The following FOXK2 variants were observed in gnomAD, a reference collection of about 807,000 sequenced individuals.
The protein encoded by FOXK2 is forkhead box protein K2.
Under a neutral mutation model 53.3 loss-of-function variants are expected in FOXK2, and 24 were observed. The ratio of observed to expected loss-of-function variants is 0.45; its 90% CI spans 0.33 to 0.63. The LOEUF (loss-of-function observed/expected upper bound fraction) is 0.63. FOXK2 is among the 30% of genes least tolerant of loss of function. FOXK2 has a pLI of 0.03. For missense variants in FOXK2, 952 were observed against 910.5 expected (o/e 1.05, Z -0.59); for synonymous variants, 505 against 407.1 (o/e 1.24, Z -2.89).
chr17:82,586,205 GC>G lies in FOXK2; in HGVS notation c.1576+6del. ...GAGACCACAGGGAAGTCAAAGGTAG[GC>G]GGAGGGGAAAGGAGGAGAGGGGAGA... On this transcript the variant is annotated splice_donor_region_variant and intron_variant, in intron 7 of 8. Coordinates refer to ENST00000335255, the MANE Select transcript of FOXK2 (RefSeq NM_004514.4). 6.6e-7 allele frequency: 1 copy of G among 1,517,890 alleles called. No homozygotes were observed. Among genetic ancestry groups the G allele is most frequent in the Non-Finnish European group, 8.8e-7 (1 of 1,134,406 alleles). 94.0% of individuals were successfully genotyped at this position (1,517,890 alleles called of 1,614,324 possible). A position where few individuals can be genotyped will look rare whatever the true frequency, so the allele number is the denominator to read the frequency against.
intron 1 of FOXK2, among the ~76,000 whole-genome samples, chr17:82,540,940 G>T (rs981375565): frequency 6.6e-6 from 1 of 152,144 alleles, no homozygotes; most frequent in African/African-American, 2.4e-5. Context: ...CACCTTCGGG[G>T]GCTGACAGTG....
At position 82,602,000 on chromosome 17, in the gene FOXK2, C is replaced by T. The variant is rs1267636726; in HGVS notation, c.*501C>T. 1.3e-5 allele frequency: 2 copies of T among 153,540 alleles called. No homozygotes were observed. The highest frequency in any genetic ancestry group is 4.8e-5 in the African/African-American group (2 of 41,482). The allele number at this position is 153,540 out of a possible 1,614,324, so 9.5% of individuals were successfully genotyped here. On this transcript the variant is annotated 3_prime_UTR_variant, in exon 9 of 9. Transcript: ENST00000335255. ...CCATTTCTACTGAGACTTTCAGAAT[C>T]ACACAGGCCCTTTCCGTGGATTTCA... is the stretch of plus-strand genomic sequence containing the variant.
intron 1 of FOXK2, among the ~76,000 whole-genome samples, chr17:82,544,432 C>A (rs2044603612): frequency 6.6e-6 from 1 of 152,116 alleles, no homozygotes; most frequent in African/African-American, 2.4e-5. Flanking sequence ...ACAGTACACA[C>A]ACACACGCCA....
At chr17:82,563,195 G>T (rs1567975179) in intron 1 of FOXK2, among the ~76,000 whole-genome samples, 159 bp from the exon 2 acceptor site, 2 of 152,124 alleles carry the variant, frequency 1.3e-5, no homozygotes, top group Non-Finnish European at 2.9e-5. Flanking sequence ...CTTAGTTGTG[G>T]TTTTGTTTGT....
Position 82,519,890 on chromosome 17 carries a change from TG to T in FOXK2, c.4del (p.Ala2?). On this transcript the variant is annotated frameshift_variant and start_lost, in exon 1 of 9. Coordinates refer to ENST00000335255, the MANE Select transcript of FOXK2 (RefSeq NM_004514.4). LOFTEE classifies it high-confidence loss of function. [M>X]AAAAAALSGA... ...GCCCGGGGGCCCTCACGCAGGCCCA[TG>T]GCGGCGGCCGCGGCGGCGCTCTCGG... 1.0e-6 allele frequency: 1 copy of T among 975,840 alleles called. No homozygotes were observed. The highest frequency in any genetic ancestry group is 1.2e-6 in the Non-Finnish European group (1 of 826,368). 60.4% of individuals were successfully genotyped at this position (975,840 alleles called of 1,614,324 possible).
chr17:82,553,841 T>G (rs1221201314), intron 1 of FOXK2, among the ~76,000 whole-genome samples: 1 of 152,062 alleles, frequency 6.6e-6, no homozygotes, highest in East Asian at 1.9e-4. Flanking sequence ...AGTACTTTTT[T>G]TTTTATTTCC....
At chr17:82,597,072 GC>G in intron 8 of FOXK2, among the ~76,000 whole-genome samples, 1 of 152,180 alleles carries the variant, frequency 6.6e-6, no homozygotes, top group Non-Finnish European at 1.5e-5. Context: ...GGGCAGGGTC[GC>G]CTCCAGGCCC....
intron 1 of FOXK2, among the ~76,000 whole-genome samples, chr17:82,551,810 C>G (rs1007554774): frequency 6.6e-6 from 1 of 152,208 alleles, no homozygotes; most frequent in Admixed American, 6.5e-5. Flanking sequence ...CGGTCTTCAG[C>G]TCTGTCAAGC....
chr17:82,566,195 G>T (rs1414976010), intron 2 of FOXK2, among the ~76,000 whole-genome samples: 1 of 151,902 alleles, frequency 6.6e-6, no homozygotes, highest in African/African-American at 2.4e-5. Context: ...GAAGTGTGCA[G>T]TTTAAAATGG....
intron 1 of FOXK2, among the ~76,000 whole-genome samples, chr17:82,522,849 C>T (rs1210999630): frequency 1.3e-5 from 2 of 152,152 alleles, no homozygotes; most frequent in Admixed American, 6.6e-5. Context: ...GGCTGGAGTA[C>T]AATGGCGTGA....
rs75334221 is a variant in FOXK2, at chr17:82,542,032, C to T, written c.420-21322C>T. ...AGTAGCTGGGATTACAGGCATGCAC[C>T]ACCACGCCTGGCTATGTTTGTATTT... On this transcript the variant is annotated intron_variant, in intron 1 of 8. Transcript: ENST00000335255. Among the ~76,000 whole-genome samples the T allele has an allele frequency of 0.024, 3,622 of 150,982 alleles. 286 individuals are homozygous for T. In the East Asian group the frequency reaches 0.24, roughly 10 times the overall value.
chr17:82,586,934 A>T lies in FOXK2; in HGVS notation c.1577-129A>T. The T allele has an allele frequency of 8.4e-6, 7 of 837,500 alleles. No homozygotes were observed. In the South Asian group the frequency reaches 1.1e-4, roughly 14 times the overall value. The allele number at this position is 837,500 out of a possible 1,614,324, so 51.9% of individuals were successfully genotyped here. A position where few individuals can be genotyped will look rare whatever the true frequency, so the allele number is the denominator to read the frequency against. ...AAAAAAGATTTGCTCATCTTTTTCT[A>T]ATTTGCTGTTTGTTTTAGAGACATT... On this transcript the variant is annotated intron_variant, in intron 7 of 8. Transcript: ENST00000335255.
intron 8 of FOXK2, among the ~76,000 whole-genome samples, chr17:82,591,729 A>G (rs1185629673): frequency 3.3e-5 from 5 of 152,170 alleles, no homozygotes; most frequent in Non-Finnish European, 7.3e-5. Context: ...TGCTGTGTAC[A>G]AGCACCCTCA....
At chr17:82,596,206 C>T (rs547183045) in intron 8 of FOXK2, 3 of 990,966 alleles carry the variant, frequency 3.0e-6, no homozygotes, top group South Asian at 8.9e-5. Context: ...GTTCCTGCTT[C>T]GCCTTCAGTA....
chr17:82,563,562 G>C lies in FOXK2; in HGVS notation c.614+14G>C. ...GGGAACCATCAGGTGCGGCCATGGGGATGGGGGACTGGAGCATCCTTAGTC... is the reference window on the plus strand; with the variant it reads ...GGGAACCATCAGGTGCGGCCATGGGCATGGGGGACTGGAGCATCCTTAGTC... On this transcript the variant is annotated intron_variant, in intron 2 of 8. Coordinates refer to ENST00000335255, the MANE Select transcript of FOXK2 (RefSeq NM_004514.4). 1 of 1,608,004 alleles carries C rather than the reference G, an allele frequency of 6.2e-7. No homozygotes were observed.
At chr17:82,531,959 G>A (rs1051428332) in intron 1 of FOXK2, among the ~76,000 whole-genome samples, 1 of 152,144 alleles carries the variant, frequency 6.6e-6, no homozygotes, top group South Asian at 2.1e-4. Flanking sequence ...TCCTGCCTCA[G>A]CTTCCCGAGT....
intron 1 of FOXK2, among the ~76,000 whole-genome samples, chr17:82,541,528 G>C (rs2044574301): frequency 6.6e-6 from 1 of 152,066 alleles, no homozygotes; most frequent in Admixed American, 6.6e-5. Flanking sequence ...CTCCCAAAGT[G>C]CTGGGATTGC....
At chr17:82,597,452 C>T (rs560645426) in intron 8 of FOXK2, among the ~76,000 whole-genome samples, 49 of 152,264 alleles carry the variant, frequency 3.2e-4, no homozygotes, top group African/African-American at 1.1e-3. Flanking sequence ...GGCTCTGCTG[C>T]CTTTAGTCTT....
chr17:82,585,809 A>T, intron 6 of FOXK2, 95 bp from the exon 7 acceptor site: 2 of 1,263,830 alleles, frequency 1.6e-6, no homozygotes, highest in African/African-American at 1.5e-5. Context: ...ATTTTAAATT[A>T]AAGTTTGTAT....
Sources: gnomAD v4.1 joint callset for allele counts (sites outside exome capture counted in the v4.1 genomes callset) on GRCh38, gnomAD v4.1.1 for gene constraint, MANE v1.5 for transcripts, NCBI Gene and HGNC (gene_info 2026-07-23, HGNC 2026-07-21) for gene names.